The following ERC1 variants were observed in gnomAD, a reference collection of about 807,000 sequenced individuals.
ERC1 encodes the protein ELKS/RAB6-interacting/CAST family member 1.
In ERC1, 56 loss-of-function variants were observed where a neutral mutation model predicts 132.0. That is an observed-to-expected ratio of 0.42 (90% confidence interval 0.34 to 0.53). ERC1 has a LOEUF of 0.53. Ranked by LOEUF, ERC1 falls within the 20% of genes least tolerant of loss-of-function variation. The pLI is 0.03. For synonymous variants in ERC1, 478 were observed against 476.1 expected, an observed-to-expected ratio of 1.00 and a Z score of -0.05; for missense variants, 1,202 against 1,349.9, an observed-to-expected ratio of 0.89 and a Z score of 1.72.
At chr12:1,276,235 CTTTTTCTTTTTT>C (rs1566459973) in intron 14 of ERC1, among the ~76,000 whole-genome samples, 4 of 92,930 alleles carry the variant, frequency 4.3e-5, no homozygotes, top group Non-Finnish European at 1.1e-4. Flanking sequence ...TTTTCTTTTT[CTTTTTCTTTTTT>C]TTTTTTTGAG....
chr12:1,493,548 A>AAAAAAAT lies in ERC1; in HGVS notation c.*3319_*3320insAAAAATA, dbSNP rs56939346. 2 of 13,618 alleles carry AAAAAAAT rather than the reference A, an allele frequency of 1.5e-4. No homozygotes were observed. Among genetic ancestry groups the AAAAAAAT allele is most frequent in the African/African-American group, 2.2e-4 (1 of 4,554 alleles). 0.8% of individuals were successfully genotyped at this position (13,618 alleles called of 1,614,324 possible). The stretch of plus-strand genomic sequence containing the variant: ...ACTCCATTTAAAAAAAAAAAAAAAA[A>AAAAAAAT]ATATATATATATATATATATATATA... On this transcript the variant is annotated 3_prime_UTR_variant, in exon 19 of 19. Coordinates refer to ENST00000360905, the MANE Select transcript of ERC1 (RefSeq NM_178040.4).
At chr12:1,025,829 G>A (rs1225141382) in intron 1 of ERC1, among the ~76,000 whole-genome samples, 1 of 131,734 alleles carries the variant, frequency 7.6e-6, no homozygotes, top group Non-Finnish European at 1.5e-5. Flanking sequence ...ACGGAGTCTC[G>A]CTCTTGTCAC....
At chr12:995,945 A>G (rs1960747562) in intron 1 of ERC1, among the ~76,000 whole-genome samples, 2 of 152,310 alleles carry the variant, frequency 1.3e-5, no homozygotes, top group East Asian at 1.9e-4. Flanking sequence ...CAGCGGTGTC[A>G]TTGTTTAAAG....
chr12:1,137,997 TTAA>T (rs1399237687), intron 7 of ERC1, among the ~76,000 whole-genome samples: 2 of 134,594 alleles, frequency 1.5e-5, no homozygotes, highest in East Asian at 4.2e-4. Flanking sequence ...ATAATATATA[TTAA>T]TATATAAATG....
At chr12:1,484,197 C>T (rs1014731659) in intron 18 of ERC1, among the ~76,000 whole-genome samples, 2 of 151,290 alleles carry the variant, frequency 1.3e-5, no homozygotes, top group Non-Finnish European at 2.9e-5. Context: ...CCCAGCTACT[C>T]GGGAGGCTGA....
At chr12:1,028,673 T>C (rs1231268672) in intron 2 of ERC1, 101 bp downstream of exon 2, 1 of 956,138 alleles carries the variant, frequency 1.0e-6, no homozygotes, top group African/African-American at 1.7e-5. Context: ...GTAGTATATG[T>C]ATCTTCCTTT....
intron 2 of ERC1, among the ~76,000 whole-genome samples, chr12:1,058,975 A>T (rs1973525482): frequency 6.6e-6 from 1 of 151,826 alleles, no homozygotes; most frequent in African/African-American, 2.4e-5. Flanking sequence ...TGAACATGGG[A>T]TGTCTTTCCA....
intron 12 of ERC1, among the ~76,000 whole-genome samples, chr12:1,234,575 G>C (rs938850088): frequency 1.2e-4 from 19 of 152,306 alleles, no homozygotes; most frequent in African/African-American, 4.6e-4. Flanking sequence ...TTGGTTGGTT[G>C]GTTTGGTGGA....
intron 15 of ERC1, among the ~76,000 whole-genome samples, chr12:1,305,820 T>C (rs1348059837): frequency 6.6e-6 from 1 of 152,196 alleles, no homozygotes; most frequent in Non-Finnish European, 1.5e-5. Flanking sequence ...TCAAAATCCA[T>C]CAGATGGATT....
rs754797980 is a variant in ERC1 at position 1,028,045 on chromosome 12, G to A, written c.142G>A (p.Gly48Ser). 6.2e-7 allele frequency: 1 copy of A among 1,614,156 alleles called. No homozygotes were observed. Among genetic ancestry groups the A allele is most frequent in the Non-Finnish European group, 8.5e-7 (1 of 1,180,034 alleles). Residue 48 changes from glycine to serine, a missense_variant, in exon 2 of 19, where the codon GGT (glycine) becomes AGT (serine). Transcript: ENST00000360905. ...AGGGAGTTCGGGAAGCAGTGTTGGA[G>A]GTGGCAGTGGGAAAACCCTTTCAAT... ...TGGSSGSSVG[G>S]GSGKTLSMEN...
intron 12 of ERC1, among the ~76,000 whole-genome samples, chr12:1,227,623 C>T (rs1260671070): frequency 2.0e-5 from 3 of 152,108 alleles, no homozygotes; most frequent in Admixed American, 6.5e-5. Context: ...CTGTTGATTG[C>T]TTGCATTGCT....
intron 16 of ERC1, among the ~76,000 whole-genome samples, chr12:1,388,938 G>A (rs1257524200): frequency 6.6e-6 from 1 of 152,164 alleles, no homozygotes; most frequent in Non-Finnish European, 1.5e-5. Context: ...TGAGGAAGCT[G>A]CCCTCCATGC....
chr12:1,021,857 G>A (rs755695659), intron 1 of ERC1, among the ~76,000 whole-genome samples: 11 of 152,204 alleles, frequency 7.2e-5, no homozygotes, highest in East Asian at 1.9e-4. Flanking sequence ...TGCTTGCTGC[G>A]CTGTGAGTAA....
chr12:1,477,214 A>T (rs527451360), intron 18 of ERC1, among the ~76,000 whole-genome samples: 1 of 152,346 alleles, frequency 6.6e-6, no homozygotes, highest in African/African-American at 2.4e-5. Context: ...AAAAAAATTT[A>T]AAGAACACCT....
chr12:1,241,917 G>A (rs2075832012), intron 13 of ERC1, among the ~76,000 whole-genome samples: 1 of 132,328 alleles, frequency 7.6e-6, no homozygotes, highest in Non-Finnish European at 1.5e-5. Context: ...GGAGTGCAGT[G>A]GTGTGATCTC....
intron 12 of ERC1, among the ~76,000 whole-genome samples, chr12:1,197,686 T>C (rs1956466862): frequency 6.6e-6 from 1 of 152,242 alleles, no homozygotes; most frequent in Non-Finnish European, 1.5e-5. Context: ...ATACAGAAGC[T>C]ATTGTCATTT....
At chr12:1,307,652 C>A (rs1186921892) in intron 15 of ERC1, among the ~76,000 whole-genome samples, 2 of 152,170 alleles carry the variant, frequency 1.3e-5, no homozygotes, top group African/African-American at 4.8e-5. Context: ...TAGTTAGTCA[C>A]CAATCACTGT....
chr12:1,171,181 T>C (rs770327786), intron 8 of ERC1, among the ~76,000 whole-genome samples: 30 of 152,188 alleles, frequency 2.0e-4, no homozygotes, highest in Non-Finnish European at 4.0e-4. Context: ...GCTGGGCTTA[T>C]TGAGGACCAT....
At chr12:1,363,543 C>CT (rs34769986) in intron 15 of ERC1, among the ~76,000 whole-genome samples, 5,241 of 94,310 alleles carry the variant, frequency 0.056, 211 homozygotes, top group Middle Eastern at 0.11. Context: ...TATTTCTTTC[C>CT]TTTTTTTTTT....
Sources: allele counts gnomAD v4.1 joint callset (sites outside exome capture counted in the v4.1 genomes callset), GRCh38; gene constraint gnomAD v4.1.1; transcripts MANE v1.5; gene names NCBI Gene and HGNC (gene_info 2026-07-23, HGNC 2026-07-21).